The following ARHGAP32 variants were observed in gnomAD, a reference collection of about 807,000 sequenced individuals.
ARHGAP32 encodes the protein rho GTPase-activating protein 32.
ARHGAP32 carries 51 observed loss-of-function variants against 186.5 expected under a neutral mutation model. The ratio of observed to expected loss-of-function variants is 0.27; its 90% CI spans 0.22 to 0.35. The LOEUF is 0.35. ARHGAP32 is among the 10% of genes least tolerant of loss of function. ARHGAP32 has a pLI of 1.00. For synonymous variants in ARHGAP32, 950 were observed against 964.3 expected (o/e 0.99, Z 0.27); for missense variants, 2,186 against 2,623.5 (o/e 0.83, Z 3.64).
At chr11:129,021,232 T>C (rs1938578721) in intron 11 of ARHGAP32, among the ~76,000 whole-genome samples, 2 of 152,006 alleles carry the variant, frequency 1.3e-5, no homozygotes, top group Middle Eastern at 3.4e-3. Context: ...AAAATAAATC[T>C]GTAGTAGATT....
intron 1 of ARHGAP32, among the ~76,000 whole-genome samples, chr11:129,233,134 T>TA (rs928280021): frequency 1.7e-4 from 26 of 151,854 alleles, no homozygotes; most frequent in Middle Eastern, 3.4e-3. Flanking sequence ...CAAGTAATGC[T>TA]AAAAAAAATG....
chr11:129,238,067 G>A (rs1944961536), intron 1 of ARHGAP32, among the ~76,000 whole-genome samples: 1 of 152,112 alleles, frequency 6.6e-6, no homozygotes, highest in Admixed American at 6.6e-5. Context: ...CACAGTGCCA[G>A]CGGTTTTTGA....
chr11:128,968,581 T>G lies in ARHGAP32; in HGVS notation c.*326A>C. 5.0e-6 allele frequency: 1 copy of G among 200,786 alleles called. No homozygotes were observed. Among genetic ancestry groups the G allele is most frequent in the Non-Finnish European group, 9.9e-6 (1 of 101,108 alleles). The allele number at this position is 200,786 out of a possible 1,614,324, so 12.4% of individuals were successfully genotyped here. On this transcript the variant is annotated 3_prime_UTR_variant, in exon 23 of 23. Transcript: ENST00000682385. ...AGAAAGGACAATGCTGAATTCAAAT[T>G]CAGTTAAAGGCAGTCCTCAGGCTCT...
intron 11 of ARHGAP32, among the ~76,000 whole-genome samples, chr11:129,038,217 T>C (rs1939436196): frequency 6.6e-6 from 1 of 151,978 alleles, no homozygotes; most frequent in Non-Finnish European, 1.5e-5. Flanking sequence ...ATCAAGGTAA[T>C]TCAACAGGAA....
At chr11:129,083,535 A>C (rs1192261366) in intron 6 of ARHGAP32, among the ~76,000 whole-genome samples, 2 of 152,208 alleles carry the variant, frequency 1.3e-5, no homozygotes, top group East Asian at 3.8e-4. Flanking sequence ...ACAAAGGCAT[A>C]AGAATGATAC....
intron 1 of ARHGAP32, among the ~76,000 whole-genome samples, chr11:129,259,639 T>A (rs1488756068): frequency 6.6e-6 from 1 of 150,462 alleles, no homozygotes; most frequent in South Asian, 2.1e-4. Context: ...ACCATAGAAC[T>A]GGAAGATAGC....
intron 1 of ARHGAP32, among the ~76,000 whole-genome samples, chr11:129,190,334 C>G (rs7932955): frequency 0.29 from 43,609 of 152,192 alleles, 6,585 homozygotes; most frequent in Middle Eastern, 0.4. Context: ...AGAGACACTA[C>G]ATGAAATTGG....
At chr11:129,082,094 G>A (rs1172378136) in intron 6 of ARHGAP32, among the ~76,000 whole-genome samples, 5 of 151,980 alleles carry the variant, frequency 3.3e-5, no homozygotes, top group Admixed American at 1.3e-4. Context: ...AAACACTGCC[G>A]AAAGAAATCA....
chr11:129,197,676 T>C (rs1324542304), intron 1 of ARHGAP32, among the ~76,000 whole-genome samples: 1 of 152,216 alleles, frequency 6.6e-6, no homozygotes, highest in East Asian at 1.9e-4. Context: ...ATATTTCCAA[T>C]GACTGAAGAT....
At chr11:129,084,347 GAA>G in intron 6 of ARHGAP32, among the ~76,000 whole-genome samples, 1 of 73,718 alleles carries the variant, frequency 1.4e-5, no homozygotes, top group African/African-American at 5.0e-5. Context: ...TAAGAAAAAA[GAA>G]AAAAAAAAAA....
rs183933235 is a variant in ARHGAP32, at chr11:128,994,391, G to A, written c.1195+3928C>T. Among the ~76,000 whole-genome samples, 184 of 152,062 alleles carry A rather than the reference G, an allele frequency of 1.2e-3. 3 individuals are homozygous for A. Among genetic ancestry groups the A allele is most frequent in the African/African-American group, 4.2e-3 (173 of 41,478 alleles). On this transcript the variant is annotated intron_variant, in intron 12 of 22. Transcript: ENST00000682385. ...GCTGGTCTTGAACTCCTGACCTCAGGTGATCCACCTGTCTCGGCCTCCCAA... is the reference window on the plus strand; with the variant it reads ...GCTGGTCTTGAACTCCTGACCTCAGATGATCCACCTGTCTCGGCCTCCCAA...
intron 19 of ARHGAP32, among the ~76,000 whole-genome samples, chr11:128,977,118 A>G (rs1020150225): frequency 1.2e-4 from 19 of 152,314 alleles, no homozygotes; most frequent in Non-Finnish European, 2.1e-4. Context: ...AAGGCAAGGA[A>G]GGATTTTTCC....
intron 1 of ARHGAP32, among the ~76,000 whole-genome samples, chr11:129,199,967 T>C (rs185929731): frequency 2.6e-4 from 39 of 152,260 alleles, no homozygotes; most frequent in Admixed American, 1.2e-3. Context: ...GTGTGAGACA[T>C]GGTGTCAAAG....
chr11:128,982,914 AAAAGGAC>A (rs1945750557), intron 15 of ARHGAP32, among the ~76,000 whole-genome samples: 2 of 150,412 alleles, frequency 1.3e-5, no homozygotes, highest in Admixed American at 1.3e-4. Flanking sequence ...AAAAAAAAAA[AAAAGGAC>A]AATGAATGGG....
At chr11:129,128,457 C>T (rs1942712958) in intron 2 of ARHGAP32, among the ~76,000 whole-genome samples, 1 of 152,174 alleles carries the variant, frequency 6.6e-6, no homozygotes, top group African/African-American at 2.4e-5. Context: ...CCTAGAAAAG[C>T]ACATAAAGAT....
At chr11:129,050,163 A>C (rs1939984351) in intron 10 of ARHGAP32, among the ~76,000 whole-genome samples, 1 of 152,256 alleles carries the variant, frequency 6.6e-6, no homozygotes, top group Non-Finnish European at 1.5e-5. Flanking sequence ...AATTCCCACC[A>C]GCACTGTATG....
chr11:129,058,079 A>C (rs1940324899), intron 10 of ARHGAP32, among the ~76,000 whole-genome samples: 1 of 152,070 alleles, frequency 6.6e-6, no homozygotes, highest in African/African-American at 2.4e-5. Context: ...TAGCAAATGA[A>C]CACAGTACCT....
At chr11:129,071,583 G>C (rs1027819781) in intron 6 of ARHGAP32, among the ~76,000 whole-genome samples, 2 of 151,982 alleles carry the variant, frequency 1.3e-5, no homozygotes, top group Non-Finnish European at 2.9e-5. Flanking sequence ...TAGAGAAAAG[G>C]AAACAAGGGA....
chr11:129,019,454 G>A (rs961892483), intron 11 of ARHGAP32, among the ~76,000 whole-genome samples: 10 of 151,882 alleles, frequency 6.6e-5, no homozygotes, highest in African/African-American at 1.2e-4. Flanking sequence ...CTAATCATCC[G>A]AATTACCTCC....
Sources: gnomAD v4.1 joint callset for allele counts (sites outside exome capture counted in the v4.1 genomes callset) on GRCh38, gnomAD v4.1.1 for gene constraint, MANE v1.5 for transcripts, NCBI Gene and HGNC (gene_info 2026-07-23, HGNC 2026-07-21) for gene names.